Variants in FUT8 observed in about 807,000 individuals in gnomAD.
FUT8 encodes fucosyltransferase 8, also known as alpha-(1,6)-fucosyltransferase.
Under a neutral mutation model 71.3 loss-of-function variants are expected in FUT8, and 29 were observed. That is an observed-to-expected ratio of 0.41 (90% CI 0.30 to 0.55). The LOEUF is 0.55. Ranked by LOEUF, FUT8 falls within the 20% of genes least tolerant of loss-of-function variation. The pLI, the probability that FUT8 is intolerant of heterozygous loss-of-function variation, is 0.34. For missense variants in FUT8, 544 were observed against 702.1 expected (o/e 0.77, Z 2.55); for synonymous variants, 254 against 239.3 (o/e 1.06, Z -0.57).
chr14:65,476,057 A>G (rs900219598), intron 2 of FUT8, among the ~76,000 whole-genome samples: 1 of 152,132 alleles, frequency 6.6e-6, no homozygotes, highest in Non-Finnish European at 1.5e-5. Context: ...CACAGTCCCA[A>G]GAGAGAAATC....
At chr14:65,390,551 T>A in the FUT8 span, among the ~76,000 whole-genome samples, 1 of 151,898 alleles carries the variant, frequency 6.6e-6, no homozygotes, top group Non-Finnish European at 1.5e-5. Context: ...CTTTTTTCAA[T>A]GAAGTAATTC....
At chr14:65,416,031 A>T (rs1416559475) in intron 1 of FUT8, among the ~76,000 whole-genome samples, 1 of 152,210 alleles carries the variant, frequency 6.6e-6, no homozygotes, top group African/African-American at 2.4e-5. Context: ...TATTATCCAT[A>T]GCTCTTCATT....
chr14:65,664,997 G>A (rs1892141033), intron 6 of FUT8, among the ~76,000 whole-genome samples: 1 of 152,024 alleles, frequency 6.6e-6, no homozygotes, highest in Non-Finnish European at 1.5e-5. Flanking sequence ...TATCATGTTA[G>A]CTAAACATTT....
At chr14:65,581,801 A>G (rs372295112) in intron 3 of FUT8, among the ~76,000 whole-genome samples, 4 of 152,052 alleles carry the variant, frequency 2.6e-5, no homozygotes, top group Non-Finnish European at 5.9e-5. Context: ...TGTTCTACCC[A>G]TAATTTTCTT....
At chr14:65,506,302 G>C (rs1465875267) in intron 2 of FUT8, among the ~76,000 whole-genome samples, 1 of 152,184 alleles carries the variant, frequency 6.6e-6, no homozygotes, top group East Asian at 1.9e-4. Context: ...CCATTTTTCA[G>C]TGTGATTTGA....
At chr14:65,605,296 A>G (rs1219656024) in intron 3 of FUT8, among the ~76,000 whole-genome samples, 1 of 151,930 alleles carries the variant, frequency 6.6e-6, no homozygotes, top group African/African-American at 2.4e-5. Flanking sequence ...CCTTTAATGT[A>G]TATGGGCTAC....
intron 1 of FUT8, among the ~76,000 whole-genome samples, chr14:65,434,777 G>GC (rs961743427): frequency 5.3e-5 from 8 of 151,980 alleles, no homozygotes; most frequent in East Asian, 3.9e-4. Flanking sequence ...GTAGTGAAAA[G>GC]CCCCCCCACC....
Position 65,428,244 on chromosome 14 carries a change from C to T in FUT8, c.-326+15030C>T, listed in dbSNP as rs576525232. Among the ~76,000 whole-genome samples the T allele has an allele frequency of 5.1e-4, 78 of 152,134 alleles. 1 individual carries two copies. The highest frequency in any genetic ancestry group is 9.0e-4 in the Non-Finnish European group (61 of 68,008). On this transcript the variant is annotated intron_variant, in intron 1 of 10. Coordinates refer to ENST00000673929, the MANE Select transcript of FUT8 (RefSeq NM_001371533.1). ...CCACTGTGTGTGTGTGTGTCTTTTT[C>T]TGGATCAAAAAAATGAGGCTTATGT...
chr14:65,439,954 G>GTGTATATATATATATATATATA, intron 1 of FUT8, among the ~76,000 whole-genome samples: 7 of 74,968 alleles, frequency 9.3e-5, no homozygotes, highest in Admixed American at 1.6e-4. Flanking sequence ...GTGTGTGTGT[G>GTGTATATATATATATATATATA]TATATATATA....
At chr14:65,687,773 G>C (rs1893369168) in intron 7 of FUT8, among the ~76,000 whole-genome samples, 1 of 149,678 alleles carries the variant, frequency 6.7e-6, no homozygotes, top group Non-Finnish European at 1.5e-5. Flanking sequence ...CCACTCTGTT[G>C]ACCAAACTGG....
Position 65,675,486 on chromosome 14 carries a change from T to C in FUT8, c.835+6006T>C, listed in dbSNP as rs935940375. Among the ~76,000 whole-genome samples the C allele has an allele frequency of 4.6e-5, 7 of 152,192 alleles. No homozygotes were observed. In the South Asian group the frequency reaches 8.3e-4, roughly 18 times the overall value. ...TCCAGCCCATTGATTGAGGCCAGAC[T>C]TCATATTCTCAGTAGCATGAATTTA... On this transcript the variant is annotated intron_variant, in intron 7 of 10. Transcript: ENST00000673929.
chr14:65,597,178 G>T (rs897041535), intron 3 of FUT8, among the ~76,000 whole-genome samples: 5 of 142,806 alleles, frequency 3.5e-5, no homozygotes, highest in Non-Finnish European at 3.1e-5. Flanking sequence ...GAAAAGTTAA[G>T]AGTCACACGG....
chr14:65,485,056 A>T (rs980254812), intron 2 of FUT8, among the ~76,000 whole-genome samples: 1 of 151,946 alleles, frequency 6.6e-6, no homozygotes, highest in African/African-American at 2.4e-5. Flanking sequence ...TAACTTTTAG[A>T]CTAGGCGTGG....
chr14:65,518,640 T>C (rs912088436), intron 2 of FUT8, among the ~76,000 whole-genome samples: 3 of 152,154 alleles, frequency 2.0e-5, no homozygotes, highest in Non-Finnish European at 4.4e-5. Context: ...ATCTCGTGCC[T>C]CCACCACCCA....
At chr14:65,526,480 G>A (rs1883478128) in intron 2 of FUT8, among the ~76,000 whole-genome samples, 1 of 152,098 alleles carries the variant, frequency 6.6e-6, no homozygotes, top group Middle Eastern at 3.2e-3. Context: ...CAGGTCTCCT[G>A]AATACAGCAC....
At chr14:65,692,415 C>G (rs1386626140) in intron 7 of FUT8, among the ~76,000 whole-genome samples, 1 of 144,966 alleles carries the variant, frequency 6.9e-6, no homozygotes, top group African/African-American at 2.5e-5. Context: ...GGCTGACCCC[C>G]CCACCTCCCT....
intron 6 of FUT8, among the ~76,000 whole-genome samples, chr14:65,639,520 A>T (rs1163913293): frequency 2.6e-5 from 4 of 151,846 alleles, no homozygotes; most frequent in Non-Finnish European, 5.9e-5. Flanking sequence ...ACACACACAC[A>T]CACACACACA....
At chr14:65,676,927 C>G (rs1025013294) in intron 7 of FUT8, among the ~76,000 whole-genome samples, 1 of 152,062 alleles carries the variant, frequency 6.6e-6, no homozygotes, top group African/African-American at 2.4e-5. Flanking sequence ...TGATGTGAAT[C>G]TGTAATTTCT....
intron 2 of FUT8, among the ~76,000 whole-genome samples, chr14:65,524,706 G>A (rs112487346): frequency 6.6e-5 from 10 of 152,106 alleles, no homozygotes; most frequent in African/African-American, 2.4e-4. Context: ...TGTTGGTTGT[G>A]GGTTTGTCAT....
Sources: gnomAD v4.1 joint callset for allele counts (sites outside exome capture counted in the v4.1 genomes callset) on GRCh38, gnomAD v4.1.1 for gene constraint, MANE v1.5 for transcripts, NCBI Gene and HGNC (gene_info 2026-07-23, HGNC 2026-07-21) for gene names.